ITFG1: variants seen among roughly 807,000 people sequenced by gnomAD.
ITFG1 encodes integrin alpha FG-GAP repeat containing 1, also known as T-cell immunomodulatory protein.
A neutral mutation model predicts 81.8 loss-of-function variants in ITFG1; 34 were observed. The observed-to-expected ratio is 0.42, with a 90% confidence interval of 0.32 to 0.55. The LOEUF (loss-of-function observed/expected upper bound fraction) is 0.55, where lower values mean the gene tolerates loss of function less well. Ranked by LOEUF, ITFG1 falls within the 20% of genes least tolerant of loss-of-function variation. ITFG1 has a pLI of 0.17. For missense variants in ITFG1, 672 were observed against 755.4 expected, an observed-to-expected ratio of 0.89 and a Z score of 1.29; for synonymous variants, 285 against 270.6, an observed-to-expected ratio of 1.05 and a Z score of -0.52.
intron 6 of ITFG1, among the ~76,000 whole-genome samples, chr16:47,377,881 GACA>G (rs1485058795): frequency 6.6e-6 from 1 of 152,148 alleles, no homozygotes; most frequent in Non-Finnish European, 1.5e-5. Context: ...GATAATTATG[GACA>G]ACATGCTATA....
At chr16:47,354,906 A>C (rs987720391) in intron 8 of ITFG1, among the ~76,000 whole-genome samples, 6 of 152,108 alleles carry the variant, frequency 3.9e-5, no homozygotes, top group Admixed American at 1.3e-4. Context: ...TTGGTGAAGA[A>C]GTGGAGAACA....
At chr16:47,178,250 T>C (rs1965054378) in intron 14 of ITFG1, among the ~76,000 whole-genome samples, 1 of 152,248 alleles carries the variant, frequency 6.6e-6, no homozygotes, top group South Asian at 2.1e-4. Context: ...CCTGTTCAAC[T>C]AAGGCACACC....
At chr16:47,251,856 T>C (rs1329121607) in intron 12 of ITFG1, among the ~76,000 whole-genome samples, 1 of 152,254 alleles carries the variant, frequency 6.6e-6, no homozygotes, top group Non-Finnish European at 1.5e-5. Flanking sequence ...AGTTTTTCAC[T>C]CTGAAAATAT....
chr16:47,273,268 C>T (rs577093951), intron 10 of ITFG1, among the ~76,000 whole-genome samples: 1 of 151,862 alleles, frequency 6.6e-6, no homozygotes, highest in East Asian at 1.9e-4. Flanking sequence ...CTGTATAAAC[C>T]TTAGGAAAGC....
chr16:47,265,203 C>A (rs1167586113), intron 10 of ITFG1, among the ~76,000 whole-genome samples: 1 of 149,200 alleles, frequency 6.7e-6, no homozygotes, highest in Non-Finnish European at 1.5e-5. Context: ...ATTTTGTTTA[C>A]GGTACCCTTC....
chr16:47,380,181 G>C (rs1968378576), intron 6 of ITFG1, among the ~76,000 whole-genome samples: 1 of 152,056 alleles, frequency 6.6e-6, no homozygotes, highest in African/African-American at 2.4e-5. Flanking sequence ...GCTATGCTAA[G>C]GTTAGATCCC....
chr16:47,444,984 A>G (rs1011145990), intron 5 of ITFG1, among the ~76,000 whole-genome samples: 3 of 151,994 alleles, frequency 2.0e-5, no homozygotes, highest in African/African-American at 7.3e-5. Context: ...TGAAATGGCA[A>G]AGTCATTAAA....
At chr16:47,254,280 T>C (rs1183412621) in intron 12 of ITFG1, among the ~76,000 whole-genome samples, 1 of 152,160 alleles carries the variant, frequency 6.6e-6, no homozygotes, top group Non-Finnish European at 1.5e-5. Flanking sequence ...CCCTAAATTA[T>C]ATGCATACAT....
chr16:47,216,081 C>T (rs1020760209), intron 14 of ITFG1, among the ~76,000 whole-genome samples: 1 of 151,956 alleles, frequency 6.6e-6, no homozygotes, highest in Non-Finnish European at 1.5e-5. Flanking sequence ...AATATTGTTC[C>T]ATTCGCTTAA....
intron 14 of ITFG1, among the ~76,000 whole-genome samples, chr16:47,215,096 A>G (rs954757883): frequency 7.2e-5 from 11 of 152,208 alleles, no homozygotes; most frequent in Non-Finnish European, 1.5e-4. Flanking sequence ...CATTAATTTT[A>G]TGACCCGACA....
chr16:47,447,362 T>C (rs1375648269), intron 5 of ITFG1, among the ~76,000 whole-genome samples: 1 of 152,162 alleles, frequency 6.6e-6, no homozygotes, highest in East Asian at 1.9e-4. Flanking sequence ...AATATACATC[T>C]AAAAATTATT....
At chr16:47,257,872 A>T (rs988255854) in intron 12 of ITFG1, among the ~76,000 whole-genome samples, 2 of 152,220 alleles carry the variant, frequency 1.3e-5, no homozygotes, top group Admixed American at 6.5e-5. Flanking sequence ...TTCCTTGGAG[A>T]AATGTCTGAT....
chr16:47,275,144 T>C (rs577096632), intron 10 of ITFG1, among the ~76,000 whole-genome samples: 1 of 152,228 alleles, frequency 6.6e-6, no homozygotes, highest in East Asian at 1.9e-4. Context: ...TCATAAATCT[T>C]TTGCTAAATT....
At chr16:47,444,043 G>T (rs950431895) in intron 5 of ITFG1, among the ~76,000 whole-genome samples, 4 of 152,116 alleles carry the variant, frequency 2.6e-5, no homozygotes, top group Non-Finnish European at 5.9e-5. Context: ...GTTTCCAAAT[G>T]AAAGTCATTT....
chr16:47,313,665 C>T (rs1967303336), intron 9 of ITFG1, 64 bp downstream of exon 9: 1 of 838,238 alleles, frequency 1.2e-6, no homozygotes, highest in East Asian at 2.6e-5. Context: ...TCTTTTCTAA[C>T]CTTAGAAGAT....
Position 47,445,118 on chromosome 16 carries a change from A to G in ITFG1, c.560+6278T>C, listed in dbSNP as rs201350519. 2.4e-4 allele frequency among the ~76,000 whole-genome samples: 37 copies of G among 151,578 alleles called. No individual in the cohort carries two copies. The East Asian group carries it at 6.8e-3, about 28-fold the overall frequency. On this transcript the variant is annotated intron_variant, in intron 5 of 17. Coordinates refer to ENST00000320640, the MANE Select transcript of ITFG1 (RefSeq NM_030790.5). ...GTTAAGAGAAATGTACATTAAAAAA[A>G]AAAAAAAAAGAAAAACTGGAAGTTC...
chr16:47,334,418 C>A (rs1420337385), intron 8 of ITFG1, among the ~76,000 whole-genome samples: 1 of 152,080 alleles, frequency 6.6e-6, no homozygotes, highest in Non-Finnish European at 1.5e-5. Context: ...ACAGAGTGAG[C>A]CCTGTCTTAA....
chr16:47,291,182 T>C (rs1966900824), intron 10 of ITFG1, among the ~76,000 whole-genome samples: 2 of 152,220 alleles, frequency 1.3e-5, no homozygotes, highest in Non-Finnish European at 2.9e-5. Context: ...GTTACAGTAT[T>C]CTCGGTCGTA....
intron 14 of ITFG1, among the ~76,000 whole-genome samples, chr16:47,186,788 G>T (rs927679985): frequency 1.3e-5 from 2 of 152,120 alleles, no homozygotes; most frequent in Admixed American, 1.3e-4. Context: ...AGGAAATAAA[G>T]GGTATTCAAT....
Sources: allele counts gnomAD v4.1 joint callset (sites outside exome capture counted in the v4.1 genomes callset), GRCh38; gene constraint gnomAD v4.1.1; transcripts MANE v1.5; gene names NCBI Gene and HGNC (gene_info 2026-07-23, HGNC 2026-07-21).